FGF14: variants seen among roughly 807,000 people sequenced by gnomAD.
FGF14 encodes the protein fibroblast growth factor homologous factor 4.
FGF14 carries 5 observed loss-of-function variants against 25.5 expected under a neutral mutation model. The ratio of observed to expected loss-of-function variants is 0.20; its 90% CI spans 0.10 to 0.41. The LOEUF is 0.41. Among genes scored for constraint, FGF14 ranks in the 10% least tolerant of loss-of-function variants. The pLI, the probability that FGF14 is intolerant of heterozygous loss-of-function variation, is 1.00. For missense variants in FGF14, 222 were observed against 320.1 expected, an observed-to-expected ratio of 0.69 and a Z score of 2.34; for synonymous variants, 138 against 118.3, an observed-to-expected ratio of 1.17 and a Z score of -1.08.
rs776869867 is a variant in FGF14, at chr13:102,201,840, C to T, written c.208+199631G>A. Among the ~76,000 whole-genome samples, 55 of 152,118 alleles carry T rather than the reference C, an allele frequency of 3.6e-4. 1 individual carries two copies. The highest frequency in any genetic ancestry group is 2.2e-4 in the Non-Finnish European group (15 of 68,034). Reference sequence around the variant, plus strand: ...TTCTGTTACTGGGGGACGGACAGTACGACCAGAAAGACAATGTACCTCCCT... The same window carrying T: ...TTCTGTTACTGGGGGACGGACAGTATGACCAGAAAGACAATGTACCTCCCT... On this transcript the variant is annotated intron_variant, in intron 1 of 4. Coordinates refer to the FGF14 transcript ENST00000376131.
intron 1 of FGF14, among the ~76,000 whole-genome samples, chr13:102,109,260 T>C (rs56391769): frequency 0.078 from 11,857 of 152,168 alleles, 474 homozygotes; most frequent in Middle Eastern, 0.092. Flanking sequence ...TTACCAGGGA[T>C]TGGCTGGGGG....
At chr13:101,761,862 T>C (rs2038051533) in intron 3 of FGF14, among the ~76,000 whole-genome samples, 1 of 152,196 alleles carries the variant, frequency 6.6e-6, no homozygotes, top group Admixed American at 6.5e-5. Context: ...CATAATCTAA[T>C]GGCTTAAAAT....
At chr13:102,177,699 G>T (rs1048541700) in intron 1 of FGF14, among the ~76,000 whole-genome samples, 2 of 151,718 alleles carry the variant, frequency 1.3e-5, no homozygotes, top group African/African-American at 2.4e-5. Flanking sequence ...TATGGCTCAT[G>T]GAAATCCTGT....
chr13:102,111,903 G>A (rs578231265), intron 1 of FGF14, among the ~76,000 whole-genome samples: 3 of 151,914 alleles, frequency 2.0e-5, no homozygotes, highest in African/African-American at 7.3e-5. Flanking sequence ...TGACATGCAA[G>A]AACTGAAATT....
At chr13:102,058,944 A>C (rs1016787949) in intron 1 of FGF14, among the ~76,000 whole-genome samples, 3 of 108,048 alleles carry the variant, frequency 2.8e-5, no homozygotes, top group Admixed American at 9.8e-5. Flanking sequence ...CATCAGTCTT[A>C]ACTAAAAAAA....
rs112780885 is a variant in FGF14, at chr13:101,945,319, A to C, written c.209-70023T>G. ...GGCAACAAGAGTGAAACTCCATCCC[A>C]AAAAAATAATGGTTACAATATTAAA... On this transcript the variant is annotated intron_variant, in intron 1 of 4. Transcript: ENST00000376131. Among the ~76,000 whole-genome samples the C allele has an allele frequency of 4.0e-3, 603 of 152,338 alleles. 3 individuals are homozygous for C. The highest frequency in any genetic ancestry group is 0.013 in the African/African-American group (557 of 41,564).
intron 3 of FGF14, among the ~76,000 whole-genome samples, chr13:101,784,708 T>C (rs1410870733): frequency 1.3e-5 from 2 of 152,210 alleles, no homozygotes; most frequent in African/African-American, 2.4e-5. Context: ...CTTGTCCCAC[T>C]TGTCAATTTT....
chr13:102,157,038 C>A (rs943156045), intron 1 of FGF14, among the ~76,000 whole-genome samples: 28 of 152,300 alleles, frequency 1.8e-4, no homozygotes, highest in Middle Eastern at 3.4e-3. Context: ...ACATTCCATG[C>A]TCATGGGTAG....
At chr13:101,725,587 T>A (rs1185992371) in intron 4 of FGF14, among the ~76,000 whole-genome samples, 1 of 152,074 alleles carries the variant, frequency 6.6e-6, no homozygotes, top group Non-Finnish European at 1.5e-5. Flanking sequence ...ACTGTTCAAA[T>A]TTTTAAATTA....
At chr13:101,784,189 C>A (rs1255361795) in intron 3 of FGF14, among the ~76,000 whole-genome samples, 1 of 152,170 alleles carries the variant, frequency 6.6e-6, no homozygotes, top group Non-Finnish European at 1.5e-5. Context: ...GTTCTTTCAA[C>A]AAGTCACTGC....
rs1470910265 is a variant in FGF14 at position 102,161,661 on chromosome 13, GA to G, written c.208+239809del. On this transcript the variant is annotated intron_variant, in intron 1 of 4. Coordinates refer to the FGF14 transcript ENST00000376131. ...AGAAGAAGAAGAAGAAGAAGAAGAA[GA>G]AGAAGAAGAAGAAGAAGAAGAAGAA... Among the ~76,000 whole-genome samples the G allele has an allele frequency of 1.5e-4, 4 of 26,276 alleles. 1 individual carries two copies. The highest frequency in any genetic ancestry group is 8.4e-4 in the Admixed American group (2 of 2,392). The allele number at this position is 26,276 out of a possible 152,430, so 17.2% of individuals were successfully genotyped here.
chr13:102,160,717 A>G (rs1323475877), intron 1 of FGF14, among the ~76,000 whole-genome samples: 2 of 152,080 alleles, frequency 1.3e-5, no homozygotes, highest in Admixed American at 1.3e-4. Flanking sequence ...CAGCAAACCA[A>G]AAGTCCCTAG....
chr13:102,037,392 C>A (rs1181256810), intron 1 of FGF14, among the ~76,000 whole-genome samples: 1 of 151,962 alleles, frequency 6.6e-6, no homozygotes, highest in Non-Finnish European at 1.5e-5. Context: ...TGGCTCATGG[C>A]CTCTCTCCTC....
intron 1 of FGF14, among the ~76,000 whole-genome samples, chr13:101,892,577 A>G (rs1021592168): frequency 5.3e-5 from 8 of 152,198 alleles, no homozygotes; most frequent in African/African-American, 1.7e-4. Context: ...TTATATGGCT[A>G]AAGGGAAAAT....
chr13:101,782,560 C>T (rs1433524788), intron 3 of FGF14, among the ~76,000 whole-genome samples: 2 of 152,112 alleles, frequency 1.3e-5, no homozygotes, highest in Non-Finnish European at 2.9e-5. Context: ...TCTGAAAGAC[C>T]TCAGTGTCCG....
At position 101,722,850 on chromosome 13, in the gene FGF14, T is replaced by A; in HGVS notation, c.725A>T (p.Asn242Ile). Residue 242 changes from asparagine to isoleucine, a missense_variant, in exon 5 of 5, where the codon AAC becomes ATC. Asn to Ile is a moderately radical substitution (Grantham distance 149). Transcript: ENST00000376143. ...SAIMNGGKPV[N>I]KSKTT ...ATCTGGCTATGTTGTCTTACTCTTGTTGACTGGTTTGCCTCCATTCATTAT... is the reference window on the plus strand; with the variant it reads ...ATCTGGCTATGTTGTCTTACTCTTGATGACTGGTTTGCCTCCATTCATTAT... The A allele has an allele frequency of 6.2e-7, 1 of 1,613,344 alleles. No individual in the cohort carries two copies.
intron 1 of FGF14, among the ~76,000 whole-genome samples, chr13:101,936,901 G>A (rs1459706702): frequency 1.3e-5 from 2 of 152,080 alleles, no homozygotes; most frequent in East Asian, 3.9e-4. Flanking sequence ...CTCTTCCTAG[G>A]CAGAAAAATT....
At chr13:102,356,716 G>A (rs1035442824) in intron 1 of FGF14, among the ~76,000 whole-genome samples, 3 of 151,784 alleles carry the variant, frequency 2.0e-5, no homozygotes, top group Non-Finnish European at 2.9e-5. Flanking sequence ...CCAATAGCAG[G>A]GCATTGGTTA....
At chr13:102,249,185 T>C (rs913435699) in intron 1 of FGF14, among the ~76,000 whole-genome samples, 3 of 151,956 alleles carry the variant, frequency 2.0e-5, no homozygotes, top group Admixed American at 6.6e-5. Flanking sequence ...TTTCCAAAAA[T>C]GATAGAAAGA....
Sources: gnomAD v4.1 joint callset for allele counts (sites outside exome capture counted in the v4.1 genomes callset) on GRCh38, gnomAD v4.1.1 for gene constraint, MANE v1.5 for transcripts, NCBI Gene and HGNC (gene_info 2026-07-23, HGNC 2026-07-21) for gene names.